The following FILIP1L variants were observed in gnomAD, a reference collection of about 807,000 sequenced individuals.
The protein encoded by FILIP1L is filamin A interacting protein 1 like.
Under a neutral mutation model 96.6 loss-of-function variants are expected in FILIP1L, and 55 were observed. The observed-to-expected ratio is 0.57, with a 90% CI of 0.46 to 0.71. The LOEUF (loss-of-function observed/expected upper bound fraction) is 0.71, where lower values mean the gene tolerates loss of function less well. Among genes scored for constraint, FILIP1L ranks in the 30% least tolerant of loss-of-function variants. The pLI is 0.00. For synonymous variants in FILIP1L, 467 were observed against 473.9 expected, an observed-to-expected ratio of 0.99 and a Z score of 0.19; for missense variants, 1,304 against 1,321.2, an observed-to-expected ratio of 0.99 and a Z score of 0.20.
At chr3:100,091,565 A>G (rs9849092) in intron 1 of FILIP1L, among the ~76,000 whole-genome samples, 140,768 of 152,306 alleles carry the variant, frequency 0.92, 65,165 homozygotes, top group African/African-American at 0.98. Context: ...TCTGTCACCA[A>G]AAGTGTAGCC....
intron 4 of FILIP1L, among the ~76,000 whole-genome samples, chr3:99,854,819 C>G: frequency 6.6e-6 from 1 of 152,188 alleles, no homozygotes; most frequent in Non-Finnish European, 1.5e-5. Context: ...ACAGGTGCAA[C>G]TGAGAGCTCC....
chr3:99,836,387 T>C lies in FILIP1L; in HGVS notation c.3382-5782A>G, dbSNP rs13327351. On this transcript the variant is annotated intron_variant, in intron 5 of 5. Transcript: ENST00000477258. ...AGTTCAAGAAAGATAGTATATTGGG[T>C]TATGGGCGCATGCTAAGTTTGAAGT... is the stretch of plus-strand genomic sequence containing the variant. Among the ~76,000 whole-genome samples, 923 of 152,116 alleles carry C rather than the reference T, an allele frequency of 6.1e-3. 10 individuals carry two copies. Among genetic ancestry groups the C allele is most frequent in the African/African-American group, 0.021 (872 of 41,458 alleles).
chr3:99,912,675 G>C (rs1204368118), intron 4 of FILIP1L, among the ~76,000 whole-genome samples: 5 of 152,150 alleles, frequency 3.3e-5, no homozygotes, highest in Non-Finnish European at 7.3e-5. Context: ...ACCGCACCTG[G>C]CCCACAGAGC....
intron 4 of FILIP1L, among the ~76,000 whole-genome samples, chr3:99,855,106 TA>T (rs1943894957): frequency 6.6e-6 from 1 of 152,326 alleles, no homozygotes; most frequent in Admixed American, 6.5e-5. Flanking sequence ...GTTTGAATAT[TA>T]ACTCTGCCAA....
At chr3:99,953,079 A>G (rs947936664) in intron 1 of FILIP1L, among the ~76,000 whole-genome samples, 1 of 152,194 alleles carries the variant, frequency 6.6e-6, no homozygotes, top group African/African-American at 2.4e-5. Context: ...CTTGATAAAA[A>G]TATATTTTAA....
intron 1 of FILIP1L, among the ~76,000 whole-genome samples, chr3:100,110,188 A>G (rs768987456): frequency 2.6e-5 from 4 of 152,078 alleles, no homozygotes; most frequent in Non-Finnish European, 5.9e-5. Flanking sequence ...ACTGGAGGGG[A>G]AAACATAAGG....
chr3:99,867,058 T>C (rs1393730876), intron 4 of FILIP1L, among the ~76,000 whole-genome samples: 1 of 152,200 alleles, frequency 6.6e-6, no homozygotes, highest in East Asian at 1.9e-4. Flanking sequence ...ATACTTCCTT[T>C]CCTGTAAGTT....
intron 1 of FILIP1L, among the ~76,000 whole-genome samples, chr3:100,082,645 T>A (rs1039969601): frequency 2.0e-5 from 3 of 152,172 alleles, no homozygotes; most frequent in Non-Finnish European, 4.4e-5. Context: ...GGGTAACTAT[T>A]TTTTGGTTAT....
At chr3:100,016,342 G>A (rs1027068815) in intron 1 of FILIP1L, among the ~76,000 whole-genome samples, 19 of 152,080 alleles carry the variant, frequency 1.2e-4, no homozygotes, top group African/African-American at 4.1e-4. Flanking sequence ...ACAGGCATGC[G>A]CACCACACAC....
chr3:99,840,441 C>A (rs1350558112), intron 5 of FILIP1L, among the ~76,000 whole-genome samples: 8 of 151,962 alleles, frequency 5.3e-5, no homozygotes, highest in Admixed American at 5.2e-4. Flanking sequence ...CCAGGCTGGT[C>A]TTGAACTCCT....
At chr3:99,946,540 G>T (rs1407616304) in intron 1 of FILIP1L, among the ~76,000 whole-genome samples, 1 of 152,208 alleles carries the variant, frequency 6.6e-6, no homozygotes, top group African/African-American at 2.4e-5. Context: ...TGCAGCTAAA[G>T]AATGGGCTGA....
At chr3:100,069,346 A>T (rs2065722454) in intron 1 of FILIP1L, among the ~76,000 whole-genome samples, 1 of 152,012 alleles carries the variant, frequency 6.6e-6, no homozygotes, top group South Asian at 2.1e-4. Flanking sequence ...TTCTTGAATA[A>T]ATTACCTAAT....
chr3:99,938,186 G>A (rs1022704173), intron 1 of FILIP1L, among the ~76,000 whole-genome samples: 2 of 152,044 alleles, frequency 1.3e-5, no homozygotes, highest in Admixed American at 1.3e-4. Flanking sequence ...GTAAACTTTC[G>A]ATCATAAATA....
intron 1 of FILIP1L, among the ~76,000 whole-genome samples, chr3:99,946,601 T>G (rs1708015568): frequency 6.6e-6 from 1 of 152,102 alleles, no homozygotes; most frequent in Non-Finnish European, 1.5e-5. Flanking sequence ...ATGATGCCAT[T>G]TTTTTTAGTG....
In FILIP1L at chr3:99,932,484, AT is replaced by A. The variant is rs201919473; in HGVS notation, c.-10-1455del. Among the ~76,000 whole-genome samples, 24 of 151,094 alleles carry A rather than the reference AT, an allele frequency of 1.6e-4. No individual in the cohort carries two copies. In the Middle Eastern group the frequency reaches 0.01, roughly 65 times the overall value. The stretch of plus-strand genomic sequence containing the variant: ...CTTGTTCATTTTACTGTTTTTGAAT[AT>A]TTTTTTTTCAGTATTCAAAAAAATG... On this transcript the variant is annotated intron_variant, in intron 1 of 5. Transcript: ENST00000477258.
intron 1 of FILIP1L, among the ~76,000 whole-genome samples, chr3:100,091,609 A>C (rs145457415): frequency 2.6e-5 from 4 of 152,246 alleles, no homozygotes; most frequent in African/African-American, 9.6e-5. Flanking sequence ...TTACATTACA[A>C]AAGTATAACT....
chr3:99,883,849 G>A (rs1230158725), intron 4 of FILIP1L, among the ~76,000 whole-genome samples: 2 of 152,214 alleles, frequency 1.3e-5, no homozygotes, highest in Non-Finnish European at 2.9e-5. Flanking sequence ...GGAACAGAGA[G>A]GTTAGGTAAT....
At chr3:99,896,954 T>C (rs933575379) in intron 4 of FILIP1L, among the ~76,000 whole-genome samples, 3 of 152,206 alleles carry the variant, frequency 2.0e-5, no homozygotes, top group African/African-American at 7.2e-5. Flanking sequence ...GTATTTTCAG[T>C]CGCAAAATTT....
chr3:99,860,431 T>C (rs1217230013), intron 4 of FILIP1L, among the ~76,000 whole-genome samples: 2 of 152,064 alleles, frequency 1.3e-5, no homozygotes, highest in African/African-American at 4.8e-5. Context: ...AATCCTCAAA[T>C]TGAGCACAAG....
Sources: allele counts gnomAD v4.1 joint callset (sites outside exome capture counted in the v4.1 genomes callset), GRCh38; gene constraint gnomAD v4.1.1; transcripts MANE v1.5; gene names NCBI Gene and HGNC (gene_info 2026-07-23, HGNC 2026-07-21).